ENPP2: variants seen among roughly 807,000 people sequenced by gnomAD.
The protein encoded by ENPP2 is ectonucleotide pyrophosphatase/phosphodiesterase 2.
A neutral mutation model predicts 120.2 loss-of-function variants in ENPP2; 51 were observed. The observed-to-expected ratio is 0.42, with a 90% CI of 0.34 to 0.54. The LOEUF is 0.54. Ranked by LOEUF, ENPP2 falls within the 20% of genes least tolerant of loss-of-function variation. The pLI, the probability that ENPP2 is intolerant of heterozygous loss-of-function variation, is 0.04. For synonymous variants in ENPP2, 365 were observed against 366.4 expected (o/e 1.00, Z 0.04); for missense variants, 920 against 1,066.5 (o/e 0.86, Z 1.91).
intron 2 of ENPP2, among the ~76,000 whole-genome samples, chr8:119,633,627 G>A (rs894501126): frequency 1.3e-5 from 2 of 151,766 alleles, no homozygotes; most frequent in African/African-American, 4.9e-5. Flanking sequence ...GTTCTTTCTG[G>A]TCATACTTTT....
chr8:119,602,585 G>A (rs972622872), intron 9 of ENPP2, among the ~76,000 whole-genome samples: 1 of 152,062 alleles, frequency 6.6e-6, no homozygotes, highest in Non-Finnish European at 1.5e-5. Context: ...CCCTAAGTCT[G>A]GCACTAGCTT....
chr8:119,562,901 A>T lies in ENPP2; in HGVS notation c.2377T>A (p.Ser793Thr). Residue 793 changes from serine to threonine, a missense_variant, in exon 24 of 25, where the codon TCC (serine) becomes ACC (threonine). Transcript: ENST00000075322. Reference protein sequence around the residue: ...DKCDGPLSVSSFILPHRPDNE... With the variant: ...DKCDGPLSVSTFILPHRPDNE... The stretch of plus-strand genomic sequence containing the variant: ...TCAGGCCGGTGAGGCAGGATGAAGG[A>T]GGACACAGAGAGAGGGCCGTCACAC... 6.2e-7 allele frequency: 1 copy of T among 1,614,176 alleles called. No homozygotes were observed. Among genetic ancestry groups the T allele is most frequent in the Non-Finnish European group, 8.5e-7 (1 of 1,180,018 alleles).
chr8:119,650,483 T>C (rs1356087119), intron 1 of ENPP2, among the ~76,000 whole-genome samples: 1 of 152,178 alleles, frequency 6.6e-6, no homozygotes, highest in Non-Finnish European at 1.5e-5. Context: ...ATATAAATTA[T>C]ATCCCAAAAA....
At chr8:119,600,087 T>C (rs541549044) in intron 11 of ENPP2, among the ~76,000 whole-genome samples, 1 of 152,258 alleles carries the variant, frequency 6.6e-6, no homozygotes, top group East Asian at 1.9e-4. Context: ...GAATTTATGT[T>C]ACTTTGGGGG....
chr8:119,671,408 G>A (rs764481037), intron 1 of ENPP2, among the ~76,000 whole-genome samples: 15 of 152,200 alleles, frequency 9.9e-5, no homozygotes, highest in Non-Finnish European at 2.1e-4. Flanking sequence ...GGCCAGAATG[G>A]AATTTGAGGG....
intron 3 of ENPP2, among the ~76,000 whole-genome samples, chr8:119,626,275 G>A (rs1305952038): frequency 6.6e-6 from 1 of 152,148 alleles, no homozygotes; most frequent in Admixed American, 6.6e-5. Context: ...TTGACAGAAA[G>A]ATATAGAAAG....
chr8:119,627,330 G>A (rs6989212), intron 2 of ENPP2, among the ~76,000 whole-genome samples: 42,947 of 151,934 alleles, frequency 0.28, 6,760 homozygotes, highest in Middle Eastern at 0.43. Flanking sequence ...ACATGATATA[G>A]GTGTATATCA....
At chr8:119,594,751 T>A (rs2130486805) in intron 11 of ENPP2, among the ~76,000 whole-genome samples, 1 of 152,154 alleles carries the variant, frequency 6.6e-6, no homozygotes, top group Middle Eastern at 3.4e-3. Flanking sequence ...ATACAGGGAG[T>A]ATATTTAGAT....
At chr8:119,657,586 C>T (rs1817803906) in intron 1 of ENPP2, among the ~76,000 whole-genome samples, 1 of 152,178 alleles carries the variant, frequency 6.6e-6, no homozygotes, top group African/African-American at 2.4e-5. Flanking sequence ...GTCAACATGA[C>T]TTAGTGCTAA....
At chr8:119,604,875 A>G (rs372947195) in intron 9 of ENPP2, among the ~76,000 whole-genome samples, 4,146 of 151,834 alleles carry the variant, frequency 0.027, 85 homozygotes, top group Non-Finnish European at 0.042. Context: ...CTGGGTTCAC[A>G]CCATTCTCCT....
In ENPP2 at chr8:119,626,574, A is replaced by G. The variant is rs893495857; in HGVS notation, c.283T>C (p.Leu95=). 4 of 1,613,846 alleles carry G rather than the reference A, an allele frequency of 2.5e-6. No individual in the cohort carries two copies. The change falls in exon 3 of 25, where the codon TTG becomes CTG. Residue 95 remains leucine (L), a synonymous_variant. Coordinates refer to ENST00000075322, the MANE Select transcript of ENPP2 (RefSeq NM_001040092.3). ...CTCATAAGTTACGTACCTGTCTTCAAACACAGCTCATCAAAGTCATGGCAG... is the reference window on the plus strand; with the variant it reads ...CTCATAAGTTACGTACCTGTCTTCAGACACAGCTCATCAAAGTCATGGCAG... The part of the protein sequence containing the change: ...SCCHDFDELC[L]KTARGWECTK...
chr8:119,643,742 A>G (rs1175202169), upstream of ENPP2, among the ~76,000 whole-genome samples: 2 of 152,226 alleles, frequency 1.3e-5, no homozygotes, highest in Admixed American at 6.5e-5. Context: ...TAAATGTAAA[A>G]TTACAACTGT....
At chr8:119,586,925 G>A (rs1015041629) in intron 14 of ENPP2, 119 bp downstream of exon 14, 2 of 772,622 alleles carry the variant, frequency 2.6e-6, no homozygotes, top group Admixed American at 2.2e-5. Context: ...AGGATGGCAG[G>A]GCAGTGAGGA....
chr8:119,635,399 A>G (rs1162482833), intron 2 of ENPP2, among the ~76,000 whole-genome samples: 1 of 152,212 alleles, frequency 6.6e-6, no homozygotes, highest in Non-Finnish European at 1.5e-5. Flanking sequence ...AATTACTTAC[A>G]TATCAAAGAG....
chr8:119,665,498 T>C (rs1431484972), intron 1 of ENPP2, among the ~76,000 whole-genome samples: 1 of 152,224 alleles, frequency 6.6e-6, no homozygotes, highest in Non-Finnish European at 1.5e-5. Context: ...CATGTCATTT[T>C]CCCTTATATT....
At chr8:119,605,465 T>TGTGTGTGTGC (rs1434195692) in intron 9 of ENPP2, among the ~76,000 whole-genome samples, 2 of 146,278 alleles carry the variant, frequency 1.4e-5, no homozygotes, top group Admixed American at 1.4e-4. Flanking sequence ...TGTGTGTGTG[T>TGTGTGTGTGC]ATTTTTTTTT....
At chr8:119,586,059 T>C in intron 15 of ENPP2, 127 bp downstream of exon 15, 1 of 1,049,558 alleles carries the variant, frequency 9.5e-7, no homozygotes, top group Non-Finnish European at 1.4e-6. Context: ...GCCCACAAAA[T>C]CTTTGGAAAC....
chr8:119,568,238 G>A lies in ENPP2; in HGVS notation c.2068C>T (p.Pro690Ser), dbSNP rs77319429. ...AGGAATGCATCATATTTAGCCTCTG[G>A]TGAAGAGCTCAGATCTAAACATTAG... ...FLFPPYLSSS[P>S]EAKYDAFLVT... Residue 690 changes from proline to serine, a missense_variant, in exon 22 of 25, where the codon CCA becomes TCA. Physicochemically the swap from Pro to Ser is moderately conservative, Grantham distance 74 (BLOSUM62 -1). Transcript: ENST00000075322. The A allele has an allele frequency of 1.1e-4, 182 of 1,586,960 alleles. No individual in the cohort carries two copies. In the East Asian group the frequency reaches 4.1e-3, roughly 36 times the overall value.
intron 19 of ENPP2, among the ~76,000 whole-genome samples, chr8:119,573,490 C>T (rs553303998): frequency 1.3e-5 from 2 of 148,404 alleles, no homozygotes; most frequent in Admixed American, 1.3e-4. Flanking sequence ...CTCTACTGCT[C>T]TACATATATA....
Sources: allele counts gnomAD v4.1 joint callset (sites outside exome capture counted in the v4.1 genomes callset), GRCh38; gene constraint gnomAD v4.1.1; transcripts MANE v1.5; gene names NCBI Gene and HGNC (gene_info 2026-07-23, HGNC 2026-07-21).